Variants in KNTC1 observed in about 807,000 individuals in gnomAD.
KNTC1 encodes kinetochore-associated protein 1.
In KNTC1, 253 loss-of-function variants were observed where a neutral mutation model predicts 314.4. The observed-to-expected ratio is 0.80, with a 90% CI of 0.73 to 0.89. KNTC1 has a LOEUF of 0.89. Ranked by LOEUF, KNTC1 falls within the 40% of genes least tolerant of loss-of-function variation. KNTC1 has a pLI of 0.00. For missense variants in KNTC1, 2,475 were observed against 2,572.9 expected (o/e 0.96, Z 0.82); for synonymous variants, 901 against 901.4 (o/e 1.00, Z 0.01).
chr12:122,606,798 T>A (rs1051506708), intron 51 of KNTC1, among the ~76,000 whole-genome samples: 1 of 152,186 alleles, frequency 6.6e-6, no homozygotes, highest in South Asian at 2.1e-4. Context: ...GATATTTTTC[T>A]GAACCATTGG....
intron 5 of KNTC1, 49 bp from the exon 6 acceptor site, chr12:122,542,001 G>T: frequency 6.8e-7 from 1 of 1,472,068 alleles, no homozygotes; most frequent in South Asian, 1.3e-5. Flanking sequence ...GCGACAGAAT[G>T]AGACTCCATC....
chr12:122,565,932 GTTTC>G (rs1964300846), intron 20 of KNTC1, among the ~76,000 whole-genome samples: 1 of 148,716 alleles, frequency 6.7e-6, no homozygotes, highest in Non-Finnish European at 1.5e-5. Context: ...CATTTTTAGA[GTTTC>G]TTTCTACGTT....
At chr12:122,621,051 A>T (rs923899952) in intron 60 of KNTC1, among the ~76,000 whole-genome samples, 1 of 152,158 alleles carries the variant, frequency 6.6e-6, no homozygotes, top group African/African-American at 2.4e-5. Flanking sequence ...AGTACCCATG[A>T]TAGGGTCTGG....
intron 59 of KNTC1, among the ~76,000 whole-genome samples, chr12:122,619,057 T>A (rs1874110071): frequency 6.7e-6 from 1 of 148,832 alleles, no homozygotes; most frequent in South Asian, 2.1e-4. Context: ...TTTTTGTTTT[T>A]GTTTTGTTTT....
Position 122,528,842 on chromosome 12 carries a change from ATAT to A in KNTC1, c.-73-1148_-73-1146del, listed in dbSNP as rs1390477170. On this transcript the variant is annotated intron_variant, in intron 1 of 63. Transcript: ENST00000333479. ...CATGGATATTGACGGCAAACTGTATATATATATTTTTTTTCCAAGACGGAGTTT... is the reference window on the plus strand; with the variant it reads ...CATGGATATTGACGGCAAACTGTATAATATTTTTTTTCCAAGACGGAGTTT... 2.7e-5 allele frequency among the ~76,000 whole-genome samples: 4 copies of A among 148,858 alleles called. No homozygotes were observed. The East Asian group carries it at 8.0e-4, about 30-fold the overall frequency.
chr12:122,601,596 G>GA lies in KNTC1; in HGVS notation c.4628dup (p.Ile1544AspfsTer5). On this transcript the variant is annotated frameshift_variant, in exon 45 of 64. Transcript: ENST00000333479. LOFTEE classifies it high-confidence loss of function. Reference sequence around the variant, plus strand: ...CTTGAAAGTTATAGAACGAGCTGATGAAAAGATAACCAATATTAATATTAA... The same window carrying GA: ...CTTGAAAGTTATAGAACGAGCTGATGAAAAAGATAACCAATATTAATATTAA... The GA allele has an allele frequency of 6.5e-7, 1 of 1,535,194 alleles. No individual in the cohort carries two copies.
intron 40 of KNTC1, among the ~76,000 whole-genome samples, chr12:122,589,362 G>GT (rs1441721972): frequency 6.6e-6 from 1 of 150,926 alleles, no homozygotes; most frequent in Non-Finnish European, 1.5e-5. Context: ...TTTATTAGAT[G>GT]TTTTTAAATA....
chr12:122,588,853 T>G (rs979866792), intron 40 of KNTC1, 37 bp downstream of exon 40: 5 of 1,360,874 alleles, frequency 3.7e-6, no homozygotes, highest in Non-Finnish European at 5.0e-6. Context: ...TTGTTTGTTT[T>G]TTTTTTGCCT....
chr12:122,530,216 T>A, intron 2 of KNTC1, 24 bp downstream of exon 2: 2 of 1,605,328 alleles, frequency 1.2e-6, no homozygotes, highest in Non-Finnish European at 1.7e-6. Context: ...CACTGACTGT[T>A]TCATTCACAG....
intron 53 of KNTC1, among the ~76,000 whole-genome samples, chr12:122,612,406 T>C (rs1306310709): frequency 1.3e-5 from 2 of 149,352 alleles, no homozygotes; most frequent in African/African-American, 4.9e-5. Flanking sequence ...GGTTTTCTTT[T>C]TCTTTTTCTT....
intron 2 of KNTC1, among the ~76,000 whole-genome samples, chr12:122,530,560 C>T (rs1053753672): frequency 2.0e-5 from 3 of 151,380 alleles, no homozygotes; most frequent in African/African-American, 7.3e-5. Flanking sequence ...AAGTGATTCT[C>T]GTGCCTCAGC....
chr12:122,540,994 G>A (rs1462686743), intron 5 of KNTC1, among the ~76,000 whole-genome samples: 1 of 152,002 alleles, frequency 6.6e-6, no homozygotes, highest in Non-Finnish European at 1.5e-5. Context: ...AATATAGAGA[G>A]ACCGCCACCT....
chr12:122,602,661 T>C lies in KNTC1; in HGVS notation c.4746T>C (p.Thr1582=), dbSNP rs774889558. 3 of 1,613,632 alleles carry C rather than the reference T, an allele frequency of 1.9e-6. No homozygotes were observed. The highest frequency in any genetic ancestry group is 2.5e-6 in the Non-Finnish European group (3 of 1,179,524). ...EYQYMLEHVI[T]LPSAAQTRLP... is the part of the protein sequence containing the mutation. ...AGTATATGTTGGAACATGTCATAAC[T>C]TTGCCATCAGCTGCCCAAACTAGAC... Residue 1582 remains threonine (T), a synonymous_variant, in exon 46 of 64, where the codon ACT becomes ACC. Transcript: ENST00000333479.
chr12:122,569,916 CACCA>C, intron 22 of KNTC1, 92 bp downstream of exon 22: 4 of 1,124,116 alleles, frequency 3.6e-6, no homozygotes, highest in Non-Finnish European at 5.1e-6. Context: ...CACCAGTTAA[CACCA>C]GTTAGTTAAG....
At chr12:122,541,149 T>C (rs1962277960) in intron 5 of KNTC1, among the ~76,000 whole-genome samples, 1 of 151,848 alleles carries the variant, frequency 6.6e-6, no homozygotes, top group South Asian at 2.1e-4. Flanking sequence ...TGCAGGCCAT[T>C]GCACTCCAGC....
intron 16 of KNTC1, among the ~76,000 whole-genome samples, chr12:122,554,076 A>AAAAAATATATATATATATATATATATAT (rs370146333): frequency 9.2e-6 from 1 of 109,042 alleles, no homozygotes; most frequent in African/African-American, 3.9e-5. Context: ...AAAAAAAAAA[A>AAAAAATATATATATATATATATATATAT]ATATATATAT....
At chr12:122,532,571 A>C (rs1961448402) in intron 2 of KNTC1, among the ~76,000 whole-genome samples, 2 of 152,272 alleles carry the variant, frequency 1.3e-5, no homozygotes, top group African/African-American at 4.8e-5. Context: ...CTTGACCTCA[A>C]GGTTGCTGTT....
chr12:122,615,750 G>A (rs1873700996), intron 57 of KNTC1, among the ~76,000 whole-genome samples: 1 of 152,132 alleles, frequency 6.6e-6, no homozygotes, highest in Non-Finnish European at 1.5e-5. Flanking sequence ...TTGCACCATT[G>A]CACTCCAGCT....
chr12:122,617,992 A>C (rs1309311253), intron 57 of KNTC1, among the ~76,000 whole-genome samples: 2 of 152,216 alleles, frequency 1.3e-5, no homozygotes, highest in African/African-American at 2.4e-5. Context: ...TTTAGGCTGC[A>C]ATTTAAAGAG....
Sources: allele counts gnomAD v4.1 joint callset (sites outside exome capture counted in the v4.1 genomes callset), GRCh38; gene constraint gnomAD v4.1.1; transcripts MANE v1.5; gene names NCBI Gene and HGNC (gene_info 2026-07-23, HGNC 2026-07-21).